RAB22A: variants seen among roughly 807,000 people sequenced by gnomAD.
The protein encoded by RAB22A is ras-related protein Rab-22A.
In RAB22A, 13 loss-of-function variants were observed where a neutral mutation model predicts 30.2. That is an observed-to-expected ratio of 0.43 (90% CI 0.28 to 0.68). RAB22A has a LOEUF of 0.68. Among genes scored for constraint, RAB22A ranks in the 30% least tolerant of loss-of-function variants. The pLI is 0.18. For missense variants in RAB22A, 177 were observed against 246.8 expected (o/e 0.72, Z 1.89); for synonymous variants, 89 against 87.2 (o/e 1.02, Z -0.11).
chr20:58,346,746 C>T (rs1271647251), intron 3 of RAB22A, among the ~76,000 whole-genome samples: 1 of 152,196 alleles, frequency 6.6e-6, no homozygotes, highest in Non-Finnish European at 1.5e-5. Flanking sequence ...ACTCCCAGGG[C>T]CTAGCATGGT....
rs563551416 is a variant in RAB22A, at chr20:58,332,569, C to T, written c.117-11149C>T. Among the ~76,000 whole-genome samples, 11 of 152,202 alleles carry T rather than the reference C, an allele frequency of 7.2e-5. No homozygotes were observed. In the South Asian group the frequency reaches 2.3e-3, roughly 32 times the overall value. ...GTCAGATAAGTAGAAAGTATCCAAA[C>T]TGAAATGCAAAGAGAAGAGAAAGAT... On this transcript the variant is annotated intron_variant, in intron 2 of 6. Coordinates refer to ENST00000244040, the MANE Select transcript of RAB22A (RefSeq NM_020673.3).
At chr20:58,329,288 C>T (rs1198654844) in intron 2 of RAB22A, among the ~76,000 whole-genome samples, 2 of 152,154 alleles carry the variant, frequency 1.3e-5, no homozygotes, top group Non-Finnish European at 2.9e-5. Flanking sequence ...CTCCTGACCT[C>T]GTGATCTGCC....
chr20:58,319,969 G>A (rs485013), intron 2 of RAB22A, among the ~76,000 whole-genome samples: 71,043 of 151,888 alleles, frequency 0.47, 17,063 homozygotes, highest in South Asian at 0.65. Flanking sequence ...GCACTCCTAA[G>A]ATAAATTTCT....
Position 58,317,627 on chromosome 20 carries a change from C to T in RAB22A, c.116+6505C>T, listed in dbSNP as rs1351422059. Among the ~76,000 whole-genome samples the T allele has an allele frequency of 1.9e-4, 27 of 145,288 alleles. No individual in the cohort carries two copies. The East Asian group carries it at 3.5e-3, about 19-fold the overall frequency. On this transcript the variant is annotated intron_variant, in intron 2 of 6. Coordinates refer to ENST00000244040, the MANE Select transcript of RAB22A (RefSeq NM_020673.3). The stretch of plus-strand genomic sequence containing the variant: ...AGGCTGGAGTGCAGTGGCGCGATCT[C>T]GGCTCACTGCAAGCTCCGCCTCCCG...
In RAB22A at chr20:58,340,546, A is replaced by G. The variant is rs372410634; in HGVS notation, c.117-3172A>G. 3.3e-5 allele frequency among the ~76,000 whole-genome samples: 5 copies of G among 152,306 alleles called. No homozygotes were observed. The East Asian group carries it at 7.7e-4, about 24-fold the overall frequency. On this transcript the variant is annotated intron_variant, in intron 2 of 6. Transcript: ENST00000244040. ...CATAACAGACAGCCACTTAGCTTGT[A>G]GGCTACATGATAAATGTTTTGTTGG...
intron 6 of RAB22A, 75 bp from the exon 7 acceptor site, chr20:58,359,531 C>A: frequency 1.4e-5 from 12 of 832,382 alleles, no homozygotes; most frequent in Non-Finnish European, 1.8e-5. Flanking sequence ...TGAAACCTGT[C>A]AAATTGCATC....
chr20:58,338,188 G>A (rs1294382622), intron 2 of RAB22A, among the ~76,000 whole-genome samples: 2 of 151,750 alleles, frequency 1.3e-5, no homozygotes, highest in Non-Finnish European at 2.9e-5. Flanking sequence ...CATCACACCC[G>A]GCTAATTTTT....
rs145047651 is a variant in RAB22A at position 58,349,263 on chromosome 20, T to C, written c.199-4010T>C. Among the ~76,000 whole-genome samples, 344 of 152,340 alleles carry C rather than the reference T, an allele frequency of 2.3e-3. 1 individual carries two copies. The highest frequency in any genetic ancestry group is 7.8e-3 in the African/African-American group (323 of 41,574). Reference sequence around the variant, plus strand: ...AGTCAGGGACTGCAAAGGGGAGCTTTCTTGTGTAAGATCCACATTTTTACA... The same window carrying C: ...AGTCAGGGACTGCAAAGGGGAGCTTCCTTGTGTAAGATCCACATTTTTACA... On this transcript the variant is annotated intron_variant, in intron 3 of 6. Coordinates refer to ENST00000244040, the MANE Select transcript of RAB22A (RefSeq NM_020673.3).
intron 2 of RAB22A, among the ~76,000 whole-genome samples, chr20:58,317,170 C>G: frequency 6.6e-6 from 1 of 151,946 alleles, no homozygotes; most frequent in East Asian, 1.9e-4. Context: ...AATCTCGGCT[C>G]ACTGCAACCT....
At chr20:58,318,010 G>C (rs1986377827) in intron 2 of RAB22A, among the ~76,000 whole-genome samples, 1 of 152,082 alleles carries the variant, frequency 6.6e-6, no homozygotes, top group African/African-American at 2.4e-5. Flanking sequence ...AGCACGAGCA[G>C]TACGCATCAC....
intron 2 of RAB22A, among the ~76,000 whole-genome samples, chr20:58,335,788 A>C (rs1244719488): frequency 6.6e-6 from 1 of 152,242 alleles, no homozygotes; most frequent in Non-Finnish European, 1.5e-5. Context: ...AAATAACTGA[A>C]ATAGTTCATC....
chr20:58,317,235 T>G lies in RAB22A; in HGVS notation c.116+6113T>G, dbSNP rs1986360155. On this transcript the variant is annotated intron_variant, in intron 2 of 6. Coordinates refer to ENST00000244040, the MANE Select transcript of RAB22A (RefSeq NM_020673.3). ...TTTCGACCTCCCGAGTAGCTGGGAT[T>G]ACAGGCACCCACCACCACGTCCAGC... is the stretch of plus-strand genomic sequence containing the variant. Among the ~76,000 whole-genome samples the G allele has an allele frequency of 3.3e-5, 5 of 152,240 alleles. No individual in the cohort carries two copies. The South Asian group carries it at 1.0e-3, about 32-fold the overall frequency.
chr20:58,341,841 T>C (rs1290988734), intron 2 of RAB22A, among the ~76,000 whole-genome samples: 1 of 152,220 alleles, frequency 6.6e-6, no homozygotes, highest in Non-Finnish European at 1.5e-5. Flanking sequence ...AATATATTTC[T>C]TCTTCCTTTG....
In RAB22A at chr20:58,347,544, G is replaced by A. The variant is rs375256203; in HGVS notation, c.198+3745G>A. On this transcript the variant is annotated intron_variant, in intron 3 of 6. Coordinates refer to ENST00000244040, the MANE Select transcript of RAB22A (RefSeq NM_020673.3). ...AGTCAAACATGAAATGAAGGATATC[G>A]TATTGTGCTAGTATGTAGTTTTATC... Among the ~76,000 whole-genome samples the A allele has an allele frequency of 7.2e-5, 11 of 152,316 alleles. No individual in the cohort carries two copies. In the East Asian group the frequency reaches 1.7e-3, roughly 24 times the overall value.
In RAB22A at chr20:58,367,342, GTAGA is replaced by G. The variant is rs1281682778; in HGVS notation, c.*7643_*7646del. ...TTTTGTTTTCATGCCTATGCTCATA[GTAGA>G]TAGTTTGCAAATGAAAGTTGATTTG... On this transcript the variant is annotated 3_prime_UTR_variant, in exon 7 of 7. Coordinates refer to ENST00000244040, the MANE Select transcript of RAB22A (RefSeq NM_020673.3). The G allele has an allele frequency of 2.6e-5, 4 of 152,434 alleles. No individual in the cohort carries two copies. Among genetic ancestry groups the G allele is most frequent in the East Asian group, 1.9e-4 (1 of 5,196 alleles). The allele number at this position is 152,434 out of a possible 1,614,324, so 9.4% of individuals were successfully genotyped here. A position where few individuals can be genotyped will look rare whatever the true frequency, so the allele number is the denominator to read the frequency against.
intron 2 of RAB22A, among the ~76,000 whole-genome samples, chr20:58,320,417 A>C (rs1403959356): frequency 2.6e-5 from 4 of 151,802 alleles, no homozygotes; most frequent in Non-Finnish European, 5.9e-5. Flanking sequence ...TATCCTTTTA[A>C]TGTTTTGGGA....
At chr20:58,325,194 TTAGGC>T (rs1986545022) in intron 2 of RAB22A, among the ~76,000 whole-genome samples, 1 of 133,246 alleles carries the variant, frequency 7.5e-6, no homozygotes, top group African/African-American at 2.9e-5. Flanking sequence ...AAAAAAAACT[TTAGGC>T]TAGGCGCAGT....
intron 2 of RAB22A, among the ~76,000 whole-genome samples, chr20:58,318,699 G>A (rs1243558801): frequency 2.0e-5 from 3 of 152,078 alleles, no homozygotes; most frequent in Non-Finnish European, 2.9e-5. Flanking sequence ...TGGAAGATGG[G>A]AATTTTGCCA....
In RAB22A at chr20:58,366,998, G is replaced by A. The variant is rs762781159; in HGVS notation, c.*7295G>A. The A allele has an allele frequency of 6.6e-6, 1 of 152,468 alleles. No individual in the cohort carries two copies. The highest frequency in any genetic ancestry group is 1.5e-5 in the Non-Finnish European group (1 of 68,018). The allele number at this position is 152,468 out of a possible 1,614,324, so 9.4% of individuals were successfully genotyped here. On this transcript the variant is annotated 3_prime_UTR_variant, in exon 7 of 7. Transcript: ENST00000244040. Reference sequence around the variant, plus strand: ...CATGCCTTCTCAAGACCTGATGAAAGGAATAAGATATTTGTGCCTTTTTAT... The same window carrying A: ...CATGCCTTCTCAAGACCTGATGAAAAGAATAAGATATTTGTGCCTTTTTAT...
Sources: gnomAD v4.1 joint callset for allele counts (sites outside exome capture counted in the v4.1 genomes callset) on GRCh38, gnomAD v4.1.1 for gene constraint, MANE v1.5 for transcripts, NCBI Gene and HGNC (gene_info 2026-07-23, HGNC 2026-07-21) for gene names.